Variants in TMEM244 observed in about 807,000 individuals in gnomAD.
TMEM244 encodes the protein putative transmembrane protein 244.
In TMEM244, 13 loss-of-function variants were observed where a neutral mutation model predicts 15.8. The observed-to-expected ratio is 0.82, with a 90% CI of 0.53 to 1.30. TMEM244 has a LOEUF of 1.30. TMEM244 is among the 50% of genes most tolerant of loss of function. The pLI, the probability that TMEM244 is intolerant of heterozygous loss-of-function variation, is 0.00. For synonymous variants in TMEM244, 45 were observed against 48.7 expected, an observed-to-expected ratio of 0.92 and a Z score of 0.32; for missense variants, 161 against 144.9, an observed-to-expected ratio of 1.11 and a Z score of -0.57.
At chr6:129,837,865 G>T (rs1776431255) in intron 3 of TMEM244, among the ~76,000 whole-genome samples, 1 of 152,190 alleles carries the variant, frequency 6.6e-6, no homozygotes, top group African/African-American at 2.4e-5. Flanking sequence ...TCAACAAGAA[G>T]AGCTAACCAT....
intron 1 of TMEM244, among the ~76,000 whole-genome samples, chr6:129,853,463 CT>C (rs140829248): frequency 0.098 from 14,599 of 148,846 alleles, 847 homozygotes; most frequent in South Asian, 0.14. Flanking sequence ...AAGCTTCCAC[CT>C]TTTTTTTTTA....
At chr6:129,846,559 T>C (rs1160818675) in intron 1 of TMEM244, among the ~76,000 whole-genome samples, 2 of 152,188 alleles carry the variant, frequency 1.3e-5, no homozygotes, top group African/African-American at 4.8e-5. Context: ...TACAAATCCA[T>C]ATCTCTTACC....
rs921178928 is a variant in TMEM244 at position 129,861,307 on chromosome 6, C to T, written c.-119G>A. 5.0e-5 allele frequency: 59 copies of T among 1,168,870 alleles called. No homozygotes were observed. In the South Asian group the frequency reaches 5.6e-4, roughly 11 times the overall value. 72.4% of individuals were successfully genotyped at this position (1,168,870 alleles called of 1,614,324 possible). A position where few individuals can be genotyped will look rare whatever the true frequency, so the allele number is the denominator to read the frequency against. On this transcript the variant is annotated 5_prime_UTR_variant, in exon 1 of 5. Transcript: ENST00000368143. Reference sequence around the variant, plus strand: ...TTACTCCTGGAGACTAAGTGTGAGACGCAGTAGTGCAGGATGATTGGATTA... The same window carrying T: ...TTACTCCTGGAGACTAAGTGTGAGATGCAGTAGTGCAGGATGATTGGATTA...
chr6:129,846,227 TC>T (rs1026529514), intron 1 of TMEM244, among the ~76,000 whole-genome samples: 17 of 152,206 alleles, frequency 1.1e-4, no homozygotes, highest in African/African-American at 4.1e-4. Context: ...ATTAAACTTT[TC>T]TTATTTCTGT....
At chr6:129,857,131 T>A (rs1412049204) in intron 1 of TMEM244, among the ~76,000 whole-genome samples, 2 of 152,020 alleles carry the variant, frequency 1.3e-5, no homozygotes, top group African/African-American at 4.8e-5. Flanking sequence ...GTCTATTACC[T>A]TACTAATTTT....
chr6:129,852,099 G>C (rs2114644135), intron 1 of TMEM244, among the ~76,000 whole-genome samples: 1 of 152,252 alleles, frequency 6.6e-6, no homozygotes, highest in Non-Finnish European at 1.5e-5. Flanking sequence ...AAAAAGGTAA[G>C]AGAATAGCTG....
intron 1 of TMEM244, among the ~76,000 whole-genome samples, chr6:129,848,310 G>A (rs770694092): frequency 4.6e-5 from 7 of 152,176 alleles, no homozygotes; most frequent in African/African-American, 4.8e-5. Context: ...TCCAGAAGCC[G>A]CAAACAGACT....
chr6:129,859,604 C>T (rs1776772175), intron 1 of TMEM244, among the ~76,000 whole-genome samples: 1 of 152,226 alleles, frequency 6.6e-6, no homozygotes, highest in Admixed American at 6.5e-5. Flanking sequence ...GAGTAGAATA[C>T]ATTGTATTCT....
intron 3 of TMEM244, among the ~76,000 whole-genome samples, chr6:129,839,449 A>T (rs1293231829): frequency 2.0e-5 from 3 of 152,222 alleles, no homozygotes; most frequent in African/African-American, 4.8e-5. Context: ...AGAGCTATTT[A>T]TGACAAACCC....
intron 1 of TMEM244, among the ~76,000 whole-genome samples, chr6:129,847,775 C>CTTTTTTTTTTTTTT (rs34238013): frequency 7.3e-6 from 1 of 137,492 alleles, no homozygotes; most frequent in African/African-American, 2.7e-5. Context: ...TTTCTTTTTT[C>CTTTTTTTTTTTTTT]TTTTTTTTTT....
chr6:129,835,003 C>T (rs1271181419), intron 3 of TMEM244, among the ~76,000 whole-genome samples: 4 of 151,838 alleles, frequency 2.6e-5, no homozygotes, highest in African/African-American at 9.7e-5. Flanking sequence ...AATACTTATG[C>T]TTTGTTCATG....
intron 4 of TMEM244, among the ~76,000 whole-genome samples, chr6:129,832,624 CT>C: frequency 6.6e-6 from 1 of 152,080 alleles, no homozygotes; most frequent in Non-Finnish European, 1.5e-5. Context: ...TATTCATTTA[CT>C]GAGTAATTAT....
intron 3 of TMEM244, among the ~76,000 whole-genome samples, chr6:129,836,362 A>C (rs1348168443): frequency 6.6e-6 from 1 of 152,166 alleles, no homozygotes; most frequent in East Asian, 1.9e-4. Context: ...AAACAGAAAA[A>C]AATAGCAACA....
intron 3 of TMEM244, among the ~76,000 whole-genome samples, 157 bp from the exon 4 acceptor site, chr6:129,833,742 A>T (rs996647858): frequency 6.6e-6 from 1 of 152,242 alleles, no homozygotes; most frequent in African/African-American, 2.4e-5. Flanking sequence ...ATTTGGATAA[A>T]ACAATTAACA....
At chr6:129,840,032 C>A (rs1330941824) in intron 3 of TMEM244, among the ~76,000 whole-genome samples, 3 of 152,218 alleles carry the variant, frequency 2.0e-5, no homozygotes, top group African/African-American at 4.8e-5. Context: ...TCAATGCCAT[C>A]CCCATCAAGC....
chr6:129,840,803 G>A (rs13192688), intron 3 of TMEM244, among the ~76,000 whole-genome samples: 56,714 of 152,002 alleles, frequency 0.37, 11,088 homozygotes, highest in South Asian at 0.5. Flanking sequence ...CGTTTATGCC[G>A]CCAACAGACA....
intron 3 of TMEM244, among the ~76,000 whole-genome samples, chr6:129,842,449 C>A (rs954475366): frequency 4.6e-5 from 7 of 152,110 alleles, no homozygotes. Context: ...CAAGGCTGTA[C>A]TAAAGCTTTT....
chr6:129,834,880 G>A (rs1478290905), intron 3 of TMEM244, among the ~76,000 whole-genome samples: 2 of 152,152 alleles, frequency 1.3e-5, no homozygotes, highest in Non-Finnish European at 2.9e-5. Flanking sequence ...TTATTGTAGG[G>A]AAACAGAGAT....
chr6:129,850,996 C>A (rs1842424), intron 1 of TMEM244, among the ~76,000 whole-genome samples: 32,701 of 152,018 alleles, frequency 0.22, 3,571 homozygotes, highest in Non-Finnish European at 0.23. Flanking sequence ...CCTATGTGAC[C>A]ATCACTGTAC....
Sources: allele counts gnomAD v4.1 joint callset (sites outside exome capture counted in the v4.1 genomes callset), GRCh38; gene constraint gnomAD v4.1.1; transcripts MANE v1.5; gene names NCBI Gene and HGNC (gene_info 2026-07-23, HGNC 2026-07-21).